RNASEH2B: variants seen among roughly 807,000 people sequenced by gnomAD.
RNASEH2B encodes the protein ribonuclease H2 subunit B.
Under a neutral mutation model 45.0 loss-of-function variants are expected in RNASEH2B, and 36 were observed. The observed-to-expected ratio is 0.80, with a 90% CI of 0.61 to 1.06. The LOEUF (loss-of-function observed/expected upper bound fraction) is 1.06. Among genes scored for constraint, RNASEH2B ranks in the 50% least tolerant of loss-of-function variants. The pLI is 0.00. For missense variants in RNASEH2B, 361 were observed against 360.3 expected, an observed-to-expected ratio of 1.00 and a Z score of -0.02; for synonymous variants, 119 against 125.7, an observed-to-expected ratio of 0.95 and a Z score of 0.35.
chr13:50,930,571 T>A (rs530546853), intron 3 of RNASEH2B, 112 bp from the exon 4 acceptor site: 1 of 823,940 alleles, frequency 1.2e-6, no homozygotes, highest in African/African-American at 1.7e-5. Context: ...GATTTGAATT[T>A]GGAATTTCAC....
intron 1 of RNASEH2B, chr13:50,910,823 G>T (rs957139004): frequency 2.0e-5 from 3 of 152,268 alleles, no homozygotes; most frequent in Admixed American, 6.5e-5. Flanking sequence ...GGCCTAGGGA[G>T]TGCAAGCCAG....
chr13:50,926,731 T>G (rs1282881004), intron 1 of RNASEH2B, among the ~76,000 whole-genome samples: 1 of 152,022 alleles, frequency 6.6e-6, no homozygotes, highest in African/African-American at 2.4e-5. Context: ...AAGATCAATA[T>G]GATTACATGA....
intron 7 of RNASEH2B, among the ~76,000 whole-genome samples, chr13:50,947,112 A>G (rs1369967418): frequency 1.3e-5 from 2 of 152,296 alleles, no homozygotes; most frequent in East Asian, 3.9e-4. Flanking sequence ...GTGAGTGAAT[A>G]TCCCAGCAGC....
At chr13:50,915,271 C>T (rs1593445365) in intron 1 of RNASEH2B, 2 of 396,786 alleles carry the variant, frequency 5.0e-6, no homozygotes, top group East Asian at 7.1e-5. Context: ...ACCCTTTCCT[C>T]AAGGTTCCAT....
chr13:50,957,977 A>C, downstream of RNASEH2B, among the ~76,000 whole-genome samples: 1 of 151,954 alleles, frequency 6.6e-6, no homozygotes, highest in Non-Finnish European at 1.5e-5. Context: ...GATTTGTGTA[A>C]GTTCCTTATA....
intron 1 of RNASEH2B, among the ~76,000 whole-genome samples, chr13:50,923,852 C>T (rs1951555357): frequency 6.6e-6 from 1 of 152,018 alleles, no homozygotes; most frequent in Non-Finnish European, 1.5e-5. Flanking sequence ...TGTTAACAGG[C>T]TTATAATATG....
chr13:50,943,596 A>G (rs941586397), intron 6 of RNASEH2B, among the ~76,000 whole-genome samples: 2 of 152,116 alleles, frequency 1.3e-5, no homozygotes, highest in African/African-American at 2.4e-5. Context: ...AGTTAGCTTT[A>G]TGTTTTCTTG....
rs537038741 is a variant in RNASEH2B, at chr13:50,970,301, T to A, written c.*337T>A. ...ACTTAAAGTACTTGATTGTCTTGAT[T>A]TCACCCTGAAAGCTTTGGCAAACCA... On this transcript the variant is annotated 3_prime_UTR_variant, in exon 10 of 10. Transcript: ENST00000422660. 1.0e-5 allele frequency: 5 copies of A among 496,040 alleles called. No individual in the cohort carries two copies. In the South Asian group the frequency reaches 1.8e-4, roughly 18 times the overall value. 30.7% of individuals were successfully genotyped at this position (496,040 alleles called of 1,614,324 possible).
At chr13:50,964,787 G>T (rs1952148934) in intron 9 of RNASEH2B, among the ~76,000 whole-genome samples, 1 of 152,158 alleles carries the variant, frequency 6.6e-6, no homozygotes, top group East Asian at 1.9e-4. Flanking sequence ...TTGGGTCCTT[G>T]AATATGCCAA....
chr13:50,946,817 A>G (rs900952682), intron 7 of RNASEH2B, among the ~76,000 whole-genome samples: 3 of 152,022 alleles, frequency 2.0e-5, no homozygotes, highest in African/African-American at 2.4e-5. Context: ...CATTTTTTAG[A>G]TATTTAGGTT....
Position 50,969,772 on chromosome 13 carries a change from G to A in RNASEH2B, c.742-160G>A, listed in dbSNP as rs879745841. ...CTGGCCACGATGGGAACCCCTTCCTGTGTCTGAGGTCATCTCTTAGAAGCG... is the reference window on the plus strand; with the variant it reads ...CTGGCCACGATGGGAACCCCTTCCTATGTCTGAGGTCATCTCTTAGAAGCG... On this transcript the variant is annotated intron_variant, in intron 9 of 9. Transcript: ENST00000422660. 5.9e-5 allele frequency among the ~76,000 whole-genome samples: 9 copies of A among 152,166 alleles called. No individual in the cohort carries two copies. The East Asian group carries it at 1.4e-3, about 23-fold the overall frequency.
At chr13:50,966,865 T>G (rs1566094860) in intron 9 of RNASEH2B, among the ~76,000 whole-genome samples, 2 of 152,246 alleles carry the variant, frequency 1.3e-5, no homozygotes, top group Non-Finnish European at 2.9e-5. Context: ...TATGCAAACT[T>G]CTGACAACAG....
intron 2 of RNASEH2B, among the ~76,000 whole-genome samples, chr13:50,929,034 G>C (rs983069165): frequency 7.1e-6 from 1 of 141,658 alleles, no homozygotes; most frequent in African/African-American, 2.7e-5. Context: ...AAGCATGTCT[G>C]TCTTTCTCAC....
intron 4 of RNASEH2B, chr13:50,934,660 A>C (rs1309717771): frequency 3.5e-6 from 2 of 565,684 alleles, no homozygotes; most frequent in East Asian, 6.0e-5. Context: ...CTGTACACCC[A>C]AGGTAGATGG....
intron 9 of RNASEH2B, chr13:50,969,831 C>T (rs1952203292): frequency 8.3e-7 from 1 of 1,197,658 alleles, no homozygotes; most frequent in Non-Finnish European, 1.2e-6. Flanking sequence ...CTAAACCCGC[C>T]AGCCCTGCGT....
rs1053036384 is a variant in RNASEH2B, at chr13:50,920,340, G to A, written c.65-7067G>A. On this transcript the variant is annotated intron_variant, in intron 1 of 10. Coordinates refer to ENST00000336617, the MANE Select transcript of RNASEH2B (RefSeq NM_024570.4). ...TGGGATTACAAGTGTGAGCCACCGT[G>A]CCTAGCCTGTGGAAGCCCAGCAGAT... Among the ~76,000 whole-genome samples the A allele has an allele frequency of 4.6e-5, 7 of 152,300 alleles. No homozygotes were observed. The East Asian group carries it at 1.4e-3, about 29-fold the overall frequency.
intron 2 of RNASEH2B, 92 bp from the exon 3 acceptor site, chr13:50,929,383 T>C: frequency 1.3e-6 from 1 of 795,540 alleles, no homozygotes; most frequent in Non-Finnish European, 2.2e-6. Flanking sequence ...TTAGGAACAT[T>C]CGTCAGAGAT....
In RNASEH2B at chr13:50,962,040, T is replaced by C. The variant is rs548524083; in HGVS notation, c.742-7892T>C. 3.0e-4 allele frequency among the ~76,000 whole-genome samples: 46 copies of C among 152,338 alleles called. 1 individual carries two copies. Among genetic ancestry groups the C allele is most frequent in the African/African-American group, 9.9e-4 (41 of 41,590 alleles). ...GAATGTTAAACTAATTTTGCATTCT[T>C]GAGATAATCCCTACTTGGTCACAGT... On this transcript the variant is annotated intron_variant, in intron 9 of 9. Transcript: ENST00000422660.
chr13:50,948,092 A>C, intron 8 of RNASEH2B, 24 bp downstream of exon 8: 1 of 1,608,902 alleles, frequency 6.2e-7, no homozygotes, highest in Non-Finnish European at 8.5e-7. Flanking sequence ...ATCTTCAGTC[A>C]TAATGAAGTA....
Sources: allele counts gnomAD v4.1 joint callset (sites outside exome capture counted in the v4.1 genomes callset), GRCh38; gene constraint gnomAD v4.1.1; transcripts MANE v1.5; gene names NCBI Gene and HGNC (gene_info 2026-07-23, HGNC 2026-07-21).